The following PLXNA4 variants were observed in gnomAD, a reference collection of about 807,000 sequenced individuals.
PLXNA4 encodes the protein plexin A4, also known as plexin-A4.
In PLXNA4, 44 loss-of-function variants were observed where a neutral mutation model predicts 191.8. The observed-to-expected ratio is 0.23, with a 90% CI of 0.18 to 0.29. The LOEUF (loss-of-function observed/expected upper bound fraction) is 0.29. Ranked by LOEUF, PLXNA4 falls within the 10% of genes least tolerant of loss-of-function variation. The probability of loss-of-function intolerance (pLI) is 1.00; values close to 1 mark genes in which losing one functional copy is unlikely to be tolerated. For synonymous variants in PLXNA4, 1,082 were observed against 1,009.5 expected, an observed-to-expected ratio of 1.07 and a Z score of -1.36; for missense variants, 1,800 against 2,488.8, an observed-to-expected ratio of 0.72 and a Z score of 5.89.
At chr7:132,396,425 T>TTAAG (rs1170051831) in intron 3 of PLXNA4, among the ~76,000 whole-genome samples, 2 of 152,014 alleles carry the variant, frequency 1.3e-5, no homozygotes, top group Non-Finnish European at 2.9e-5. Flanking sequence ...CACAGAGAGG[T>TTAAG]TAAGTAGCAT....
At chr7:132,287,541 G>A (rs146969558) in intron 4 of PLXNA4, among the ~76,000 whole-genome samples, 53 of 152,254 alleles carry the variant, frequency 3.5e-4, no homozygotes, top group African/African-American at 1.2e-3. Flanking sequence ...GGTATGAAAA[G>A]CCAAGTCCGT....
chr7:132,606,654 GAACT>G (rs59434865), intron 2 of PLXNA4, among the ~76,000 whole-genome samples: 12,176 of 152,114 alleles, frequency 0.08, 1,058 homozygotes, highest in African/African-American at 0.21. Context: ...CATTATAGCA[GAACT>G]AACTGAACCA....
intron 3 of PLXNA4, among the ~76,000 whole-genome samples, chr7:132,314,845 T>C (rs1801883974): frequency 1.3e-5 from 2 of 152,224 alleles, no homozygotes; most frequent in South Asian, 2.1e-4. Flanking sequence ...TGCCAGCTTG[T>C]TGTGTTGCAA....
chr7:132,507,439 G>T, intron 2 of PLXNA4, 67 bp downstream of exon 2: 1 of 1,497,950 alleles, frequency 6.7e-7, no homozygotes, highest in Non-Finnish European at 9.0e-7. Flanking sequence ...ATCCCATGGG[G>T]GCTACAGGCT....
intron 5 of PLXNA4, among the ~76,000 whole-genome samples, chr7:132,230,111 G>T (rs1798473876): frequency 6.6e-6 from 1 of 152,190 alleles, no homozygotes; most frequent in African/African-American, 2.4e-5. Flanking sequence ...ATTCATGGCT[G>T]CGAGGTACAA....
chr7:132,583,699 G>A (rs2116816134), intron 2 of PLXNA4, among the ~76,000 whole-genome samples: 1 of 152,328 alleles, frequency 6.6e-6, no homozygotes, highest in East Asian at 1.9e-4. Context: ...AGGACTCTGT[G>A]GCCTGGCTCC....
intron 1 of PLXNA4, among the ~76,000 whole-genome samples, chr7:132,515,279 G>A (rs1798893017): frequency 6.6e-6 from 1 of 152,182 alleles, no homozygotes. Flanking sequence ...TAAGCCAAAG[G>A]ATAGAGAGTA....
rs115843772 is a variant in PLXNA4, at chr7:132,188,457, C to T, written c.2857-850G>A. Among the ~76,000 whole-genome samples, 787 of 152,302 alleles carry T rather than the reference C, an allele frequency of 5.2e-3. 4 individuals are homozygous for T. The highest frequency in any genetic ancestry group is 0.018 in the African/African-American group (754 of 41,564). The stretch of plus-strand genomic sequence containing the variant: ...CCTTAAAGAATTCAGCACCAAAAGT[C>T]GAACCCTCTCAGTTCCTTGGAGCAG... On this transcript the variant is annotated intron_variant, in intron 14 of 31. Transcript: ENST00000321063.
At position 132,202,674 on chromosome 7, in the gene PLXNA4, C is replaced by T. The variant is rs1797479637; in HGVS notation, c.2558G>A (p.Ser853Asn). ...SQWLELSGAK[S>N]KCTNPRITEI... ...TGTGATGCGGGGGTTTGTGCACTTG[C>T]TTTTGGCACCAGACAGCTCCAGCCA... The change falls in exon 12 of 32, where the codon AGC (serine) becomes AAC (asparagine). Residue 853 changes from serine to asparagine, a missense_variant. Transcript: ENST00000321063. The T allele has an allele frequency of 1.9e-6, 3 of 1,551,076 alleles. No individual in the cohort carries two copies. The highest frequency in any genetic ancestry group is 2.6e-6 in the Non-Finnish European group (3 of 1,146,778).
intron 4 of PLXNA4, among the ~76,000 whole-genome samples, chr7:132,248,837 C>T (rs1056930344): frequency 2.2e-5 from 3 of 138,638 alleles, no homozygotes; most frequent in East Asian, 4.2e-4. Context: ...CATCTGGCCA[C>T]CCCAGTGTCA....
rs1796182486 is a variant in PLXNA4, at chr7:132,168,343, TTCTTG to T, written c.4242_4246del (p.Asp1414GlufsTer9). ...CTTAGGGTGGTTCTTGCTCTCCAGG[TTCTTG>T]TCAATGAGGTCGGCCAGCAGCTGCT... On this transcript the variant is annotated frameshift_variant, in exon 22 of 32. Transcript: ENST00000321063. LOFTEE classifies it high-confidence loss of function. 1 of 1,598,270 alleles carries T rather than the reference TTCTTG, an allele frequency of 6.3e-7. No individual in the cohort carries two copies. Among genetic ancestry groups the T allele is most frequent in the Admixed American group, 1.7e-5 (1 of 59,226 alleles).
At chr7:132,176,500 G>A (rs1584797538) in intron 20 of PLXNA4, among the ~76,000 whole-genome samples, 1 of 152,354 alleles carries the variant, frequency 6.6e-6, no homozygotes, top group East Asian at 1.9e-4. Flanking sequence ...ATGGGCACTT[G>A]TCTGAGTGTG....
At chr7:132,146,878 A>G (rs553530600) in intron 27 of PLXNA4, among the ~76,000 whole-genome samples, 178 bp from the exon 28 acceptor site, 3 of 152,068 alleles carry the variant, frequency 2.0e-5, no homozygotes, top group African/African-American at 7.2e-5. Context: ...TGCCTTTCTC[A>G]CCACCTCCAG....
chr7:132,298,908 C>T (rs979897296), intron 3 of PLXNA4, among the ~76,000 whole-genome samples: 9 of 152,226 alleles, frequency 5.9e-5, no homozygotes, highest in Non-Finnish European at 1.3e-4. Flanking sequence ...AGATCATCCC[C>T]GGCCATCCAT....
At chr7:132,254,434 C>T (rs1799362249) in intron 4 of PLXNA4, among the ~76,000 whole-genome samples, 1 of 152,198 alleles carries the variant, frequency 6.6e-6, no homozygotes. Context: ...GGAGAGAGCA[C>T]AGGCTTCTGA....
intron 1 of PLXNA4, among the ~76,000 whole-genome samples, chr7:132,540,982 A>C (rs947297934): frequency 4.6e-5 from 7 of 152,184 alleles, no homozygotes; most frequent in Non-Finnish European, 7.3e-5. Context: ...ACTGTTCAGA[A>C]ACTTAACAAT....
In PLXNA4 at chr7:132,382,941, T is replaced by A. The variant is rs935810313; in HGVS notation, c.1372-84719A>T. ...TATTATGTTCATGAACTTTTTTGCG[T>A]GTCTATGTCTTAGTGTCTTATCCTT... On this transcript the variant is annotated intron_variant, in intron 3 of 31. Transcript: ENST00000321063. 2.0e-5 allele frequency among the ~76,000 whole-genome samples: 3 copies of A among 152,210 alleles called. No homozygotes were observed. In the South Asian group the frequency reaches 6.2e-4, roughly 32 times the overall value.
chr7:132,336,129 AAGC>A (rs1802807574), intron 3 of PLXNA4, among the ~76,000 whole-genome samples: 2 of 152,236 alleles, frequency 1.3e-5, no homozygotes, highest in Admixed American at 1.3e-4. Context: ...ATAACAAGGA[AAGC>A]CATGTTCTTA....
chr7:132,174,752 T>C (rs1169121647), intron 21 of PLXNA4, 26 bp downstream of exon 21: 4 of 1,610,022 alleles, frequency 2.5e-6, no homozygotes, highest in African/African-American at 2.7e-5. Flanking sequence ...CCTGCTCTAA[T>C]GCCAGGATGG....
Sources: gnomAD v4.1 joint callset for allele counts (sites outside exome capture counted in the v4.1 genomes callset) on GRCh38, gnomAD v4.1.1 for gene constraint, MANE v1.5 for transcripts, NCBI Gene and HGNC (gene_info 2026-07-23, HGNC 2026-07-21) for gene names.